BAHD1: variants seen among roughly 807,000 people sequenced by gnomAD.
The protein encoded by BAHD1 is bromo adjacent homology domain-containing 1 protein.
A neutral mutation model predicts 63.1 loss-of-function variants in BAHD1; 20 were observed. That is an observed-to-expected ratio of 0.32 (90% CI 0.22 to 0.46). BAHD1 has a LOEUF of 0.46. Ranked by LOEUF, BAHD1 falls within the 20% of genes least tolerant of loss-of-function variation. The probability of loss-of-function intolerance (pLI) is 1.00; values close to 1 mark genes in which losing one functional copy is unlikely to be tolerated. For missense variants in BAHD1, 939 were observed against 1,071.8 expected (o/e 0.88, Z 1.73); for synonymous variants, 408 against 426.8 (o/e 0.96, Z 0.54).
chr15:40,461,931 C>A lies in BAHD1; in HGVS notation c.1452C>A (p.Gly484=). ...PFAAEGCRSL[G]QLEFPLPEAG... ...TCCTAGAAGGCTGCAGATCCCTGGG[C>A]CAGTTGGAATTTCCTCTCCCGGAAG... is the stretch of plus-strand genomic sequence containing the variant. The change falls in exon 3 of 7, where the codon GGC becomes GGA. Residue 484 remains glycine (G), a synonymous_variant. Coordinates refer to ENST00000416165, the MANE Select transcript of BAHD1 (RefSeq NM_014952.5). 6.2e-7 allele frequency: 1 copy of A among 1,603,636 alleles called. No homozygotes were observed. The highest frequency in any genetic ancestry group is 8.5e-7 in the Non-Finnish European group (1 of 1,172,970).
chr15:40,468,130 G>A lies in BAHD1; in HGVS notation c.*2000G>A, dbSNP rs1180592527. On this transcript the variant is annotated 3_prime_UTR_variant, in exon 7 of 7. Coordinates refer to ENST00000416165, the MANE Select transcript of BAHD1 (RefSeq NM_014952.5). The stretch of plus-strand genomic sequence containing the variant: ...TGGTTTCCCAGATCTGTATTTCAGT[G>A]TTTACAAGGGAGGAAGGACCTTTCC... The A allele has an allele frequency of 1.3e-5, 2 of 152,576 alleles. No homozygotes were observed. Among genetic ancestry groups the A allele is most frequent in the African/African-American group, 4.8e-5 (2 of 41,430 alleles). The allele number at this position is 152,576 out of a possible 1,614,324, so 9.5% of individuals were successfully genotyped here.
Position 40,466,991 on chromosome 15 carries a change from C to T in BAHD1, c.*861C>T, listed in dbSNP as rs1232676095. On this transcript the variant is annotated 3_prime_UTR_variant, in exon 7 of 7. Transcript: ENST00000416165. ...CTTACACATGGAGGTTCCAGGAAAC[C>T]TCTTGCAGAACTTCACACGTGATTC... The T allele has an allele frequency of 6.6e-6, 1 of 152,378 alleles. No individual in the cohort carries two copies. The highest frequency in any genetic ancestry group is 6.5e-5 in the Admixed American group (1 of 15,288). The allele number at this position is 152,378 out of a possible 1,614,324, so 9.4% of individuals were successfully genotyped here. A position where few individuals can be genotyped will look rare whatever the true frequency, so the allele number is the denominator to read the frequency against.
rs780607278 is a variant in BAHD1, at chr15:40,458,530, C to A, written c.66C>A (p.Pro22=). ...LSSGLTGRRE[P]LQMEDSNMEQ... is the part of the protein sequence containing the mutation. Reference sequence around the variant, plus strand: ...CGGGCCTCACTGGCCGCCGAGAGCCCCTGCAGATGGAAGACAGCAACATGG... The same window carrying A: ...CGGGCCTCACTGGCCGCCGAGAGCCACTGCAGATGGAAGACAGCAACATGG... The change falls in exon 2 of 7, where the codon CCC becomes CCA. Residue 22 remains proline, a synonymous_variant. Coordinates refer to ENST00000416165, the MANE Select transcript of BAHD1 (RefSeq NM_014952.5). This position sits in a 1 kb window ranked among gnomAD's most constrained non-coding sequence, Gnocchi z 4.7. 16 of 1,613,172 alleles carry A rather than the reference C, an allele frequency of 9.9e-6. No homozygotes were observed. The African/African-American group carries it at 2.0e-4, about 20-fold the overall frequency.
Position 40,459,531 on chromosome 15 carries a change from C to G in BAHD1, c.1067C>G (p.Pro356Arg), listed in dbSNP as rs774183424. 2 of 1,614,128 alleles carry G rather than the reference C, an allele frequency of 1.2e-6. No homozygotes were observed. The highest frequency in any genetic ancestry group is 1.7e-6 in the Non-Finnish European group (2 of 1,180,022). ...SFPTPQLSPL[P>R]MPGNPADYNG... is the part of the protein sequence containing the mutation. Reference sequence around the variant, plus strand: ...CCCACACCTCAGCTGTCGCCGCTGCCGATGCCTGGCAACCCCGCCGACTAC... The same window carrying G: ...CCCACACCTCAGCTGTCGCCGCTGCGGATGCCTGGCAACCCCGCCGACTAC... The change falls in exon 2 of 7, where the codon CCG becomes CGG. Residue 356 changes from proline (P) to arginine (R), a missense_variant. Physicochemically the swap from Pro to Arg is moderately radical, Grantham distance 103. Coordinates refer to ENST00000416165, the MANE Select transcript of BAHD1 (RefSeq NM_014952.5).
intron 1 of BAHD1, among the ~76,000 whole-genome samples, chr15:40,457,146 A>G (rs1893872654): frequency 6.6e-6 from 1 of 152,178 alleles, no homozygotes; most frequent in Admixed American, 6.5e-5. Context: ...GCCTACAAAG[A>G]GGGAGAACCG....
upstream of BAHD1, among the ~76,000 whole-genome samples, chr15:40,437,900 G>T (rs559824682): frequency 4.6e-4 from 70 of 152,256 alleles, no homozygotes; most frequent in African/African-American, 1.6e-3. Context: ...TGCGCCGCGT[G>T]GTCTCTCTGG....
intron 4 of BAHD1, 44 bp from the exon 5 acceptor site, chr15:40,464,427 T>A: frequency 6.5e-7 from 1 of 1,550,058 alleles, no homozygotes; most frequent in Non-Finnish European, 8.8e-7. Flanking sequence ...TCTAAGTAAC[T>A]CAGGTTGCCA....
chr15:40,464,242 C>G (rs1328102976), intron 4 of BAHD1: 2 of 658,590 alleles, frequency 3.0e-6, no homozygotes, highest in Admixed American at 5.6e-5. Flanking sequence ...CCAGCAGAGC[C>G]TGGGCACCTG....
At position 40,458,978 on chromosome 15, in the gene BAHD1, C is replaced by G. The variant is rs777564497; in HGVS notation, c.514C>G (p.Arg172Gly). 7.6e-5 allele frequency: 120 copies of G among 1,583,504 alleles called. No homozygotes were observed. Among genetic ancestry groups the G allele is most frequent in the Non-Finnish European group, 9.9e-5 (115 of 1,162,570 alleles). The change falls in exon 2 of 7, where the codon CGG becomes GGG. Residue 172 changes from arginine to glycine, a missense_variant. Transcript: ENST00000416165. This position sits in a 1 kb window ranked among gnomAD's most constrained non-coding sequence, Gnocchi z 4.7. ...GGWSSSKKRP[R>G]LGDLGGGSRD... ...CTGGTCCTCCTCCAAGAAGCGGCCC[C>G]GGCTGGGGGACCTTGGAGGAGGAAG...
chr15:40,459,030 C>T lies in BAHD1; in HGVS notation c.566C>T (p.Pro189Leu), dbSNP rs751215969. 10 of 1,599,462 alleles carry T rather than the reference C, an allele frequency of 6.3e-6. No individual in the cohort carries two copies. The highest frequency in any genetic ancestry group is 8.5e-6 in the Non-Finnish European group (10 of 1,171,686). The change falls in exon 2 of 7, where the codon CCC (proline) becomes CTC (leucine). Residue 189 changes from proline to leucine, a missense_variant. Coordinates refer to ENST00000416165, the MANE Select transcript of BAHD1 (RefSeq NM_014952.5). Reference sequence around the variant, plus strand: ...CGGGACCTGTCTCCAGAGCCAGCACCCGATGAAGGTCCCCGCCGAGATGGA... The same window carrying T: ...CGGGACCTGTCTCCAGAGCCAGCACTCGATGAAGGTCCCCGCCGAGATGGA... ...GSRDLSPEPA[P>L]DEGPRRDGDP...
chr15:40,440,234 A>G (rs1420420365), upstream of BAHD1, among the ~76,000 whole-genome samples: 1 of 152,124 alleles, frequency 6.6e-6, no homozygotes. Flanking sequence ...AAGAGGAAAA[A>G]GAGATGCGGG....
chr15:40,459,326 C>T lies in BAHD1; in HGVS notation c.862C>T (p.Pro288Ser), dbSNP rs1186022273. The change falls in exon 2 of 7, where the codon CCT becomes TCT. Residue 288 changes from proline to serine, a missense_variant. Physicochemically the swap from Pro to Ser is moderately conservative, Grantham distance 74. Around this residue, in one of 5 missense-constraint regions of BAHD1, gnomAD observed 797 missense variants for 813.3 expected, o/e 0.98. Transcript: ENST00000416165. ...TGATGAACCATGGCCATCTGCAACT[C>T]CTTGTGGGCCATCCGTCCAGCCATC... Reference protein sequence around the residue: ...CPDEPWPSATPCGPSVQPSHQ... With the variant: ...CPDEPWPSATSCGPSVQPSHQ... 1 of 1,612,974 alleles carries T rather than the reference C, an allele frequency of 6.2e-7. No homozygotes were observed. The highest frequency in any genetic ancestry group is 8.5e-7 in the Non-Finnish European group (1 of 1,180,008).
At chr15:40,446,900 AC>A (rs1893555577) in intron 1 of BAHD1, among the ~76,000 whole-genome samples, 1 of 151,174 alleles carries the variant, frequency 6.6e-6, no homozygotes, top group Admixed American at 6.6e-5. Context: ...CCTTTTGGGG[AC>A]TCCTAGCCTC....
chr15:40,459,926 G>A, intron 2 of BAHD1, 30 bp downstream of exon 2: 1 of 1,542,612 alleles, frequency 6.5e-7, no homozygotes, highest in Middle Eastern at 1.9e-4. Flanking sequence ...AGATGTACTG[G>A]GGAGTCTCGG....
upstream of BAHD1, among the ~76,000 whole-genome samples, chr15:40,440,465 G>A (rs1893366271): frequency 6.6e-6 from 1 of 151,910 alleles, no homozygotes; most frequent in Non-Finnish European, 1.5e-5. Context: ...CTCCGGCGAG[G>A]ATGGGGTGTT....
intron 1 of BAHD1, among the ~76,000 whole-genome samples, chr15:40,457,412 C>G (rs1334703186): frequency 6.6e-5 from 10 of 152,052 alleles, no homozygotes; most frequent in Non-Finnish European, 1.5e-4. Flanking sequence ...CCACCATGGG[C>G]CCCTCAAAGC....
intron 1 of BAHD1, among the ~76,000 whole-genome samples, chr15:40,441,783 G>T (rs1893410389): frequency 6.6e-6 from 1 of 150,652 alleles, no homozygotes; most frequent in Non-Finnish European, 1.5e-5. Flanking sequence ...GCGGCGCCGC[G>T]GGATCGCCCG....
chr15:40,449,427 T>C (rs1263649467), intron 1 of BAHD1, among the ~76,000 whole-genome samples: 1 of 152,166 alleles, frequency 6.6e-6, no homozygotes, highest in Non-Finnish European at 1.5e-5. Flanking sequence ...AGTACTACAT[T>C]CACTTGCTTA....
Position 40,458,442 on chromosome 15 carries a change from G to T in BAHD1, c.-14-9G>T. 6.5e-7 allele frequency: 1 copy of T among 1,546,096 alleles called. No individual in the cohort carries two copies. ...GGGCTTCTCTCATTGCCCACCTTCT[G>T]TCCTGCAGGTTGGAAGTACTCCATG... On this transcript the variant is annotated splice_polypyrimidine_tract_variant and intron_variant, in intron 1 of 6. Coordinates refer to ENST00000416165, the MANE Select transcript of BAHD1 (RefSeq NM_014952.5). The surrounding 1 kb of genome is among the most constrained non-coding windows in gnomAD (Gnocchi z 4.7).
Sources: gnomAD v4.1 joint callset for allele counts (sites outside exome capture counted in the v4.1 genomes callset) on GRCh38, gnomAD v4.1.1 for gene constraint, gnomAD v4.1.1 regional missense constraint, Gnocchi (gnomAD v3.1) non-coding constraint, MANE v1.5 for transcripts, NCBI Gene and HGNC (gene_info 2026-07-23, HGNC 2026-07-21) for gene names.